The following E2F5 variants were observed in gnomAD, a reference collection of about 807,000 sequenced individuals.
E2F5 encodes transcription factor E2F5.
Under a neutral mutation model 39.1 loss-of-function variants are expected in E2F5, and 23 were observed. That is an observed-to-expected ratio of 0.59 (90% CI 0.42 to 0.83). The LOEUF is 0.83. Among genes scored for constraint, E2F5 ranks in the 40% least tolerant of loss-of-function variants. The pLI, the probability that E2F5 is intolerant of heterozygous loss-of-function variation, is 0.00. For synonymous variants in E2F5, 145 were observed against 157.8 expected, an observed-to-expected ratio of 0.92 and a Z score of 0.61; for missense variants, 365 against 406.7, an observed-to-expected ratio of 0.90 and a Z score of 0.88.
chr8:85,186,657 T>C (rs1812343339), intron 1 of E2F5, among the ~76,000 whole-genome samples: 1 of 147,828 alleles, frequency 6.8e-6, no homozygotes, highest in Non-Finnish European at 1.5e-5. Flanking sequence ...ATATATGGTG[T>C]ATATATGGTA....
intron 2 of E2F5, 21 bp from the exon 3 acceptor site, chr8:85,203,073 T>G: frequency 2.8e-6 from 4 of 1,442,290 alleles, no homozygotes; most frequent in Middle Eastern, 2.0e-4. Flanking sequence ...CTGAGGATAT[T>G]AATTCTCATA....
At chr8:85,208,202 C>T (rs1403755169) in intron 5 of E2F5, among the ~76,000 whole-genome samples, 4 of 152,120 alleles carry the variant, frequency 2.6e-5, no homozygotes, top group Non-Finnish European at 4.4e-5. Flanking sequence ...GTGGTGCATG[C>T]CTGTAATCCC....
chr8:85,211,269 G>A (rs775176152), intron 6 of E2F5, among the ~76,000 whole-genome samples: 3 of 151,058 alleles, frequency 2.0e-5, no homozygotes, highest in African/African-American at 4.9e-5. Context: ...GCATTGTGAC[G>A]TGTGCCTGTG....
chr8:85,213,757 T>G lies in E2F5; in HGVS notation c.936T>G (p.Phe312Leu), dbSNP rs761278436. Residue 312 changes from phenylalanine to leucine, a missense_variant, in exon 8 of 8, where the codon TTT becomes TTG. Coordinates refer to ENST00000416274, the MANE Select transcript of E2F5 (RefSeq NM_001951.4). ...IIDELMSSDVFPLLRLSPTPA... is the reference protein window; with the variant it reads ...IIDELMSSDVLPLLRLSPTPA... ...AAATTTGTTTTTTGTTCGCAGTGTT[T>G]CCTCTCTTAAGGCTTTCTCCTACCC... is the stretch of plus-strand genomic sequence containing the variant. 2 of 1,602,070 alleles carry G rather than the reference T, an allele frequency of 1.2e-6. No homozygotes were observed. Among genetic ancestry groups the G allele is most frequent in the Non-Finnish European group, 1.7e-6 (2 of 1,171,414 alleles).
intron 1 of E2F5, chr8:85,177,885 G>A: frequency 1.5e-6 from 1 of 646,262 alleles, no homozygotes; most frequent in Non-Finnish European, 2.0e-6. Flanking sequence ...GGGGCCCGGC[G>A]CCACGCTGGG....
At chr8:85,212,101 T>C (rs1226222607) in intron 6 of E2F5, 56 bp from the exon 7 acceptor site, 2 of 1,362,714 alleles carry the variant, frequency 1.5e-6, no homozygotes, top group Non-Finnish European at 2.1e-6. Context: ...TGTGTTTAAA[T>C]ATGAGTATCT....
In E2F5 at chr8:85,214,006, C is replaced by T; in HGVS notation, c.*144C>T. ...GTGTTCTTCCCTAATACTTTCTTTA[C>T]TTCACAAAACTTCAACCATAAAAAC... On this transcript the variant is annotated 3_prime_UTR_variant, in exon 8 of 8. Coordinates refer to ENST00000416274, the MANE Select transcript of E2F5 (RefSeq NM_001951.4). 1.6e-6 allele frequency: 1 copy of T among 607,054 alleles called. No homozygotes were observed. The highest frequency in any genetic ancestry group is 2.0e-5 in the South Asian group (1 of 50,326). 37.6% of individuals were successfully genotyped at this position (607,054 alleles called of 1,614,324 possible). A position where few individuals can be genotyped will look rare whatever the true frequency, so the allele number is the denominator to read the frequency against.
intron 1 of E2F5, among the ~76,000 whole-genome samples, chr8:85,184,250 A>G (rs541053187): frequency 3.9e-5 from 6 of 152,358 alleles, no homozygotes; most frequent in Admixed American, 2.6e-4. Flanking sequence ...TCACATAAAC[A>G]GAATCAATGA....
Position 85,184,002 on chromosome 8 carries a change from A to G in E2F5, c.234+6348A>G, listed in dbSNP as rs932583760. Among the ~76,000 whole-genome samples, 9 of 152,322 alleles carry G rather than the reference A, an allele frequency of 5.9e-5. No individual in the cohort carries two copies. In the South Asian group the frequency reaches 6.2e-4, roughly 11 times the overall value. ...CCCAGAGGAAAGACCATGTGAGGAC[A>G]CAGCAGGAAGGTGATCATCTGTAAG... On this transcript the variant is annotated intron_variant, in intron 1 of 7. Coordinates refer to ENST00000416274, the MANE Select transcript of E2F5 (RefSeq NM_001951.4).
chr8:85,201,942 A>C (rs1476486837), intron 1 of E2F5: 1 of 553,264 alleles, frequency 1.8e-6, no homozygotes, highest in Non-Finnish European at 3.1e-6. Flanking sequence ...TTCTGTTCCA[A>C]CATCTGCTAG....
Position 85,214,342 on chromosome 8 carries a change from C to T in E2F5, c.*480C>T, listed in dbSNP as rs1157650659. ...GAGGATATATAACTGTTTCAGTGAACAGATTTTGTGAAGTGCCTTCTGTTT... is the reference window on the plus strand; with the variant it reads ...GAGGATATATAACTGTTTCAGTGAATAGATTTTGTGAAGTGCCTTCTGTTT... On this transcript the variant is annotated 3_prime_UTR_variant, in exon 8 of 8. Coordinates refer to ENST00000416274, the MANE Select transcript of E2F5 (RefSeq NM_001951.4). 1 of 593,162 alleles carries T rather than the reference C, an allele frequency of 1.7e-6. No homozygotes were observed. Among genetic ancestry groups the T allele is most frequent in the East Asian group, 3.0e-5 (1 of 33,324 alleles). The allele number at this position is 593,162 out of a possible 1,614,324, so 36.7% of individuals were successfully genotyped here.
intron 1 of E2F5, among the ~76,000 whole-genome samples, chr8:85,192,079 G>A (rs1322268472): frequency 6.6e-6 from 1 of 152,156 alleles, no homozygotes; most frequent in Non-Finnish European, 1.5e-5. Flanking sequence ...TTCACATTGT[G>A]GAAGTGACAG....
rs1563981708 is a variant in E2F5 at position 85,203,130 on chromosome 8, A to G, written c.381A>G (p.Ile127Met). The G allele has an allele frequency of 6.3e-7, 1 of 1,588,414 alleles. No homozygotes were observed. The highest frequency in any genetic ancestry group is 1.3e-5 in the African/African-American group (1 of 74,416). The change falls in exon 3 of 8, where the codon ATA becomes ATG. Residue 127 changes from isoleucine (I) to methionine (M), a missense_variant. Physicochemically the swap from Ile to Met is conservative, Grantham distance 10 (BLOSUM62 1). Coordinates refer to ENST00000416274, the MANE Select transcript of E2F5 (RefSeq NM_001951.4). ...CTGGCTGTAATACTAAAGAAGTCAT[A>G]GATAGATTAAGATATCTTAAAGCTG... ...VGAGCNTKEV[I>M]DRLRYLKAEI...
chr8:85,188,128 C>T (rs978857356), intron 1 of E2F5, among the ~76,000 whole-genome samples: 1 of 152,074 alleles, frequency 6.6e-6, no homozygotes, highest in Non-Finnish European at 1.5e-5. Context: ...CTTTTTATAT[C>T]GTCTATTGCT....
chr8:85,211,282 C>T (rs2129762515), intron 6 of E2F5, among the ~76,000 whole-genome samples: 1 of 151,346 alleles, frequency 6.6e-6, no homozygotes, highest in Non-Finnish European at 1.5e-5. Flanking sequence ...TGCCTGTGGT[C>T]CCAGCTACTG....
At chr8:85,197,343 A>G (rs1311418679) in intron 1 of E2F5, among the ~76,000 whole-genome samples, 1 of 152,214 alleles carries the variant, frequency 6.6e-6, no homozygotes, top group African/African-American at 2.4e-5. Flanking sequence ...TCCTAACTCA[A>G]ATAAAGCTAC....
intron 7 of E2F5, chr8:85,213,542 T>TAAAAAAAAA (rs536955367): frequency 4.1e-4 from 50 of 121,454 alleles, no homozygotes; most frequent in South Asian, 9.7e-4. Context: ...GACTCCATCT[T>TAAAAAAAAA]AAAAAAAAAA....
At chr8:85,208,816 G>A (rs1455558058) in intron 5 of E2F5, among the ~76,000 whole-genome samples, 1 of 152,180 alleles carries the variant, frequency 6.6e-6, no homozygotes, top group Non-Finnish European at 1.5e-5. Context: ...TAAATTTCCT[G>A]TATATGGAGA....
At chr8:85,202,389 C>T (rs1220400266) in intron 2 of E2F5, 133 bp downstream of exon 2, 2 of 627,496 alleles carry the variant, frequency 3.2e-6, no homozygotes, top group Non-Finnish European at 5.4e-6. Context: ...CTGAACACAC[C>T]TTTCTGGGCC....
Sources: allele counts gnomAD v4.1 joint callset (sites outside exome capture counted in the v4.1 genomes callset), GRCh38; gene constraint gnomAD v4.1.1; transcripts MANE v1.5; gene names NCBI Gene and HGNC (gene_info 2026-07-23, HGNC 2026-07-21).